The following COL9A1 variants were observed in gnomAD, a reference collection of about 807,000 sequenced individuals.
COL9A1 encodes the protein collagen type IX alpha 1 chain, also known as collagen alpha-1(IX) chain.
COL9A1 carries 104 observed loss-of-function variants against 142.6 expected under a neutral mutation model. The observed-to-expected ratio is 0.73, with a 90% CI of 0.62 to 0.86. COL9A1 has a LOEUF of 0.86. COL9A1 is among the 40% of genes least tolerant of loss of function. The pLI, the probability that COL9A1 is intolerant of heterozygous loss-of-function variation, is 0.00. For synonymous variants in COL9A1, 466 were observed against 396.0 expected (o/e 1.18, Z -2.10); for missense variants, 1,210 against 1,176.6 (o/e 1.03, Z -0.42).
At chr6:70,219,552 C>A (rs1300702513) in intron 37 of COL9A1, among the ~76,000 whole-genome samples, 1 of 152,214 alleles carries the variant, frequency 6.6e-6, no homozygotes, top group Non-Finnish European at 1.5e-5. Context: ...GAAATTCCCC[C>A]ACTGTTTTTA....
At chr6:70,300,659 T>C (rs190053031) in intron 2 of COL9A1, among the ~76,000 whole-genome samples, 122 of 152,294 alleles carry the variant, frequency 8.0e-4, no homozygotes, top group African/African-American at 2.3e-3. Flanking sequence ...AAGGGGTGGA[T>C]GCAAGGCACA....
At chr6:70,260,920 G>A in intron 19 of COL9A1, 1 of 486,836 alleles carries the variant, frequency 2.1e-6, no homozygotes. Context: ...AAATTCTGAA[G>A]TCTTACACAA....
In COL9A1 at chr6:70,252,263, G is replaced by A. The variant is rs151066293; in HGVS notation, c.1817C>T (p.Pro606Leu). Residue 606 changes from proline to leucine, a missense_variant and splice_region_variant, in exon 27 of 38, where the codon CCG (proline) becomes CTG (leucine). Transcript: ENST00000357250. ...AGGAGAGGTAAAATGGTGTCTTACC[G>A]GTTTGCCTGAATTTCCCATCTGACC... Reference protein sequence around the residue: ...KPGQMGNSGKPGQQGPPGEVG... With the variant: ...KPGQMGNSGKLGQQGPPGEVG... 21 of 1,614,084 alleles carry A rather than the reference G, an allele frequency of 1.3e-5. 1 individual carries two copies. The highest frequency in any genetic ancestry group is 8.9e-5 in the East Asian group (4 of 44,882).
At position 70,241,965 on chromosome 6, in the gene COL9A1, C is replaced by T. The variant is rs1425493186; in HGVS notation, c.1997G>A (p.Arg666Lys). ...CTTCTGGAGTGCTGGAGCTCTTACC[C>T]TGTCACCTTTCATTCCAGGAAGTCC... ...PPGLPGMKGD[R>K]GVVGEPGPKG... The change falls in exon 30 of 38, where the codon AGG becomes AAG. Residue 666 changes from arginine to lysine, a missense_variant and splice_region_variant. Coordinates refer to ENST00000357250, the MANE Select transcript of COL9A1 (RefSeq NM_001851.6). 1 of 1,592,422 alleles carries T rather than the reference C, an allele frequency of 6.3e-7. No individual in the cohort carries two copies. Among genetic ancestry groups the T allele is most frequent in the Non-Finnish European group, 8.6e-7 (1 of 1,167,734 alleles).
In COL9A1 at chr6:70,216,987, C is replaced by G; in HGVS notation, c.2676G>C (p.Pro892=). Residue 892 remains proline (P), a synonymous_variant, in exon 38 of 38, where the codon CCG becomes CCC. Transcript: ENST00000357250. ...VAGIPGVPGP[P]GPPGLPGFCE... Reference sequence around the variant, plus strand: ...AGAAACCGGGAAGCCCAGGAGGTCCCGGGGGTCCAGGCACTCCAGGAATTC... The same window carrying G: ...AGAAACCGGGAAGCCCAGGAGGTCCGGGGGGTCCAGGCACTCCAGGAATTC... 1 of 1,614,080 alleles carries G rather than the reference C, an allele frequency of 6.2e-7. No individual in the cohort carries two copies. Among genetic ancestry groups the G allele is most frequent in the Middle Eastern group, 1.7e-4 (1 of 6,056 alleles).
chr6:70,250,064 C>T (rs1473648880), intron 28 of COL9A1, among the ~76,000 whole-genome samples: 1 of 152,110 alleles, frequency 6.6e-6, no homozygotes, highest in Non-Finnish European at 1.5e-5. Context: ...AGATTGAAAC[C>T]AGCCTGGGCA....
chr6:70,298,070 G>A (rs2127607240), intron 4 of COL9A1, among the ~76,000 whole-genome samples: 1 of 152,298 alleles, frequency 6.6e-6, no homozygotes, highest in South Asian at 2.1e-4. Context: ...GTATGGCCGA[G>A]AGCAATTCCC....
In COL9A1 at chr6:70,300,139, G is replaced by A; in HGVS notation, c.203C>T (p.Ala68Val). ...TCTCTGGATAGCTCTTCTAGATGCTGCTTTATCTACCTGGAACTGAGAGAT... is the reference window on the plus strand; with the variant it reads ...TCTCTGGATAGCTCTTCTAGATGCTACTTTATCTACCTGGAACTGAGAGAT... ...DLISQFQVDKAASRRAIQRVV... is the reference protein window; with the variant it reads ...DLISQFQVDKVASRRAIQRVV... Residue 68 changes from alanine to valine, a missense_variant, in exon 4 of 38, where the codon GCA (alanine) becomes GTA (valine). Coordinates refer to ENST00000357250, the MANE Select transcript of COL9A1 (RefSeq NM_001851.6). The A allele has an allele frequency of 6.2e-7, 1 of 1,613,792 alleles. No individual in the cohort carries two copies. The highest frequency in any genetic ancestry group is 8.5e-7 in the Non-Finnish European group (1 of 1,179,824).
rs893654170 is a variant in COL9A1, at chr6:70,280,104, T to C, written c.975+708A>G. Reference sequence around the variant, plus strand: ...TCATTTTACTCTGAAGAAGTATTATTTAGTGTTAGGTTTACCATATAAGTC... The same window carrying C: ...TCATTTTACTCTGAAGAAGTATTATCTAGTGTTAGGTTTACCATATAAGTC... On this transcript the variant is annotated intron_variant, in intron 10 of 37. Transcript: ENST00000357250. 3 of 628,796 alleles carry C rather than the reference T, an allele frequency of 4.8e-6. No homozygotes were observed. The African/African-American group carries it at 5.5e-5, about 12-fold the overall frequency. The allele number at this position is 628,796 out of a possible 1,614,324, so 39.0% of individuals were successfully genotyped here.
intron 6 of COL9A1, 178 bp from the exon 7 acceptor site, chr6:70,283,096 G>A (rs1773277025): frequency 1.9e-6 from 3 of 1,541,178 alleles, no homozygotes; most frequent in Non-Finnish European, 1.7e-6. Context: ...TCTGCAGCCT[G>A]GTTCCCCTCT....
intron 37 of COL9A1, among the ~76,000 whole-genome samples, chr6:70,218,739 T>TGGTCTTATTAC (rs66525752): frequency 0.34 from 52,057 of 151,718 alleles, 9,078 homozygotes; most frequent in East Asian, 0.44. Context: ...GTCTTATTCA[T>TGGTCTTATTAC]ATATATCTCA....
At chr6:70,280,758 T>A in intron 10 of COL9A1, 54 bp downstream of exon 10, 11 of 1,507,016 alleles carry the variant, frequency 7.3e-6, no homozygotes, top group Non-Finnish European at 9.1e-6. Flanking sequence ...ACACACTTAC[T>A]CGTACCCACC....
chr6:70,242,655 T>C lies in COL9A1; in HGVS notation c.1926+7A>G. ...AGAAGGCAAATAAACGAAACTTTTC[T>C]ACTTACCAGTTTACCTGGTAGGCCT... On this transcript the variant is annotated splice_region_variant and intron_variant, in intron 29 of 37. Coordinates refer to ENST00000357250, the MANE Select transcript of COL9A1 (RefSeq NM_001851.6). 1 of 1,613,668 alleles carries C rather than the reference T, an allele frequency of 6.2e-7. No individual in the cohort carries two copies. The highest frequency in any genetic ancestry group is 1.1e-5 in the South Asian group (1 of 91,078).
At chr6:70,260,628 GTATTA>G in intron 20 of COL9A1, 24 bp downstream of exon 20, 2 of 1,599,564 alleles carry the variant, frequency 1.3e-6, no homozygotes, top group South Asian at 2.2e-5. Flanking sequence ...ACACATTTTG[GTATTA>G]TATTATTGTC....
chr6:70,273,518 A>G (rs1378246631), intron 12 of COL9A1, among the ~76,000 whole-genome samples: 1 of 152,176 alleles, frequency 6.6e-6, no homozygotes, highest in Non-Finnish European at 1.5e-5. Flanking sequence ...AGCAAAATAG[A>G]TAGGAAAAGC....
chr6:70,281,313 A>AC (rs59512221), intron 8 of COL9A1, 77 bp downstream of exon 8: 92 of 1,304,798 alleles, frequency 7.1e-5, no homozygotes, highest in Middle Eastern at 2.1e-4. Context: ...AAAAAAAAAA[A>AC]CCCCACAGGA....
Position 70,294,499 on chromosome 6 carries a change from T to C in COL9A1, c.364A>G (p.Ser122Gly). ...SFLTTFRMTG[S>G]TLKKNWNIWQ... Reference sequence around the variant, plus strand: ...ATGTTCCAGTTCTTTTTGAGAGTGCTTCCAGTCATTCGAAACGTCGTCAAG... The same window carrying C: ...ATGTTCCAGTTCTTTTTGAGAGTGCCTCCAGTCATTCGAAACGTCGTCAAG... Residue 122 changes from serine to glycine, a missense_variant, in exon 5 of 38, where the codon AGC becomes GGC. Ser to Gly is a moderately conservative substitution (Grantham distance 56). Transcript: ENST00000357250. The C allele has an allele frequency of 6.2e-7, 1 of 1,614,128 alleles. No homozygotes were observed. Among genetic ancestry groups the C allele is most frequent in the African/African-American group, 1.3e-5 (1 of 75,058 alleles).
At position 70,239,282 on chromosome 6, in the gene COL9A1, T is replaced by C. The variant is rs759430122; in HGVS notation, c.2084A>G (p.Asp695Gly). ...TCCCTTTGGGCCAGGTAATCCTATA[T>C]CTCCCTAAATCAATAAAAGAAATTT... ...GEAGERGELG[D>G]IGLPGPKGSA... Residue 695 changes from aspartate (D) to glycine (G), a missense_variant, in exon 33 of 38, where the codon GAT becomes GGT. Transcript: ENST00000357250. 6.4e-7 allele frequency: 1 copy of C among 1,551,936 alleles called. No individual in the cohort carries two copies. Among genetic ancestry groups the C allele is most frequent in the South Asian group, 1.1e-5 (1 of 89,570 alleles).
At chr6:70,219,300 C>CA (rs148826101) in intron 37 of COL9A1, among the ~76,000 whole-genome samples, 2,306 of 152,168 alleles carry the variant, frequency 0.015, 17 homozygotes, top group Non-Finnish European at 0.022. Flanking sequence ...CAAATGAGCA[C>CA]AGGGGCTGGG....
Sources: gnomAD v4.1 joint callset for allele counts (sites outside exome capture counted in the v4.1 genomes callset) on GRCh38, gnomAD v4.1.1 for gene constraint, MANE v1.5 for transcripts, NCBI Gene and HGNC (gene_info 2026-07-23, HGNC 2026-07-21) for gene names.